PVR: variants seen among roughly 807,000 people sequenced by gnomAD.
PVR encodes the protein poliovirus receptor.
A neutral mutation model predicts 43.3 loss-of-function variants in PVR; 39 were observed. That is an observed-to-expected ratio of 0.90 (90% CI 0.70 to 1.18). PVR has a LOEUF of 1.18. Among genes scored for constraint, PVR ranks in the 50% most tolerant of loss-of-function variants. PVR has a pLI of 0.00. For missense variants in PVR, 480 were observed against 549.7 expected, an observed-to-expected ratio of 0.87 and a Z score of 1.27; for synonymous variants, 224 against 233.2, an observed-to-expected ratio of 0.96 and a Z score of 0.36.
At chr19:44,650,904 T>G (rs542441470) in intron 3 of PVR, among the ~76,000 whole-genome samples, 4 of 152,184 alleles carry the variant, frequency 2.6e-5, no homozygotes, top group Admixed American at 1.3e-4. Flanking sequence ...AGGGTCTCGC[T>G]CTGTCACCCA....
chr19:44,650,466 G>T (rs1292923437), intron 3 of PVR, among the ~76,000 whole-genome samples: 2 of 151,372 alleles, frequency 1.3e-5, no homozygotes, highest in African/African-American at 4.9e-5. Context: ...TATCCACAAT[G>T]ACCCTCCCCA....
chr19:44,660,721 G>A (rs146936825), intron 6 of PVR, among the ~76,000 whole-genome samples: 52 of 151,814 alleles, frequency 3.4e-4, no homozygotes, highest in Admixed American at 1.8e-3. Flanking sequence ...ATGGAGTTTC[G>A]TTGTGTTGCC....
intron 6 of PVR, 51 bp from the exon 7 acceptor site, chr19:44,661,241 A>G: frequency 6.4e-7 from 1 of 1,567,146 alleles, no homozygotes; most frequent in Non-Finnish European, 8.8e-7. Flanking sequence ...TCTTCTTCCC[A>G]TGCTTCCCAG....
chr19:44,653,829 C>G, intron 3 of PVR, 71 bp from the exon 4 acceptor site: 3 of 1,048,742 alleles, frequency 2.9e-6, no homozygotes, highest in Non-Finnish European at 4.5e-6. Context: ...CCTGCAGTGT[C>G]GTGAATCCCG....
chr19:44,658,725 G>C lies in PVR; in HGVS notation c.992-17G>C. The C allele has an allele frequency of 6.3e-7, 1 of 1,586,894 alleles. No individual in the cohort carries two copies. The highest frequency in any genetic ancestry group is 8.6e-7 in the Non-Finnish European group (1 of 1,160,848). On this transcript the variant is annotated splice_polypyrimidine_tract_variant and intron_variant, in intron 5 of 7. Coordinates refer to ENST00000425690, the MANE Select transcript of PVR (RefSeq NM_006505.5). ...CAAGAGTTTCCTTACCTAAATACCT[G>C]TTTCCTTCTCTTTCAGAGGGACCTC...
At chr19:44,653,821 TGCAGTGTC>T (rs1843707850) in intron 3 of PVR, 71 bp from the exon 4 acceptor site, 1 of 958,794 alleles carries the variant, frequency 1.0e-6, no homozygotes, top group African/African-American at 1.6e-5. Flanking sequence ...GGCCTTTTCC[TGCAGTGTC>T]GTGAATCCCG....
intron 2 of PVR, 77 bp from the exon 3 acceptor site, chr19:44,649,732 C>T: frequency 6.7e-7 from 1 of 1,500,944 alleles, no homozygotes; most frequent in Admixed American, 1.8e-5. Flanking sequence ...CCATGCCATC[C>T]TGTACCCTTA....
At chr19:44,644,233 G>GCCGGGT in intron 1 of PVR, 58 bp downstream of exon 1, 2 of 1,356,380 alleles carry the variant, frequency 1.5e-6, no homozygotes, top group Non-Finnish European at 1.9e-6. Flanking sequence ...CCGCATCCAG[G>GCCGGGT]CCGGGTACTC....
Position 44,661,792 on chromosome 19 carries a change from A to T in PVR, c.1235A>T (p.Gln412Leu), listed in dbSNP as rs767227365. The T allele has an allele frequency of 6.2e-7, 1 of 1,614,022 alleles. No homozygotes were observed. Among genetic ancestry groups the T allele is most frequent in the Non-Finnish European group, 8.5e-7 (1 of 1,179,976 alleles). The part of the protein sequence containing the change: ...SRENSSSQDP[Q>L]TEGTR ...GAGAACAGCTCTTCCCAGGATCCAC[A>T]GACAGAGGGCACAAGGTGACAGCGT... Residue 412 changes from glutamine to leucine, a missense_variant, in exon 8 of 8, where the codon CAG becomes CTG. Coordinates refer to ENST00000425690, the MANE Select transcript of PVR (RefSeq NM_006505.5).
rs1480791644 is a variant in PVR, at chr19:44,644,091, A to T, written c.-6A>T. 4 of 1,510,538 alleles carry T rather than the reference A, an allele frequency of 2.6e-6. No individual in the cohort carries two copies. The highest frequency in any genetic ancestry group is 3.5e-6 in the Non-Finnish European group (4 of 1,135,720). 93.6% of individuals were successfully genotyped at this position (1,510,538 alleles called of 1,614,324 possible). A position where few individuals can be genotyped will look rare whatever the true frequency, so the allele number is the denominator to read the frequency against. ...GCGGGAGGCCCAGCTGCTCGGAGCA[A>T]CTGGCATGGCCCGAGCCATGGCCGC... On this transcript the variant is annotated 5_prime_UTR_variant, in exon 1 of 8. Transcript: ENST00000425690.
At chr19:44,646,530 C>T (rs1233048731) in intron 1 of PVR, among the ~76,000 whole-genome samples, 2 of 152,150 alleles carry the variant, frequency 1.3e-5, no homozygotes, top group African/African-American at 2.4e-5. Context: ...TTTGGGAGGC[C>T]GTAGTGGGAG....
At chr19:44,661,551 C>T (rs753133799) in intron 7 of PVR, among the ~76,000 whole-genome samples, 189 bp from the exon 8 acceptor site, 1 of 152,074 alleles carries the variant, frequency 6.6e-6, no homozygotes, top group Non-Finnish European at 1.5e-5. Flanking sequence ...ATTTTAATAT[C>T]CGCTCTCTCC....
Position 44,647,254 on chromosome 19 carries a change from G to C in PVR, c.111G>C (p.Val37=). 1 of 1,552,534 alleles carries C rather than the reference G, an allele frequency of 6.4e-7. No homozygotes were observed. Among genetic ancestry groups the C allele is most frequent in the South Asian group, 1.2e-5 (1 of 84,416 alleles). ...GDVVVQAPTQ[V]PGFLGDSVTL... ...TCGTCGTGCAGGCGCCCACCCAGGT[G>C]CCCGGCTTCTTGGGCGACTCCGTGA... is the stretch of plus-strand genomic sequence containing the variant. The change falls in exon 2 of 8, where the codon GTG becomes GTC. Residue 37 remains valine (V), a synonymous_variant. Transcript: ENST00000425690.
intron 6 of PVR, among the ~76,000 whole-genome samples, chr19:44,659,678 C>T (rs181025374): frequency 2.6e-5 from 4 of 152,080 alleles, no homozygotes; most frequent in South Asian, 2.1e-4. Flanking sequence ...GACAGCGTTT[C>T]GCCATGTTGG....
rs755309367 is a variant in PVR at position 44,649,954 on chromosome 19, G to C, written c.573G>C (p.Gln191His). 7 of 1,609,136 alleles carry C rather than the reference G, an allele frequency of 4.4e-6. No homozygotes were observed. In the African/African-American group the frequency reaches 9.4e-5, roughly 21 times the overall value. ...TGGGCGGGATGCCCAATACGAGCCA[G>C]GTGCCAGGGTTCCTGTCTGGCACAG... ...SDLGGMPNTS[Q>H]VPGFLSGTVT... The change falls in exon 3 of 8, where the codon CAG becomes CAC. Residue 191 changes from glutamine to histidine, a missense_variant. By Grantham distance (24) the Gln-to-His change is conservative. Transcript: ENST00000425690.
At chr19:44,657,951 A>G (rs760745370) in intron 5 of PVR, 41 bp downstream of exon 5, 8 of 1,603,198 alleles carry the variant, frequency 5.0e-6, no homozygotes, top group Non-Finnish European at 6.8e-6. Context: ...GACCAAAGGA[A>G]GAGGTCGAGG....
chr19:44,649,094 C>G (rs1012305035), intron 2 of PVR, among the ~76,000 whole-genome samples: 5 of 152,138 alleles, frequency 3.3e-5, no homozygotes, highest in Non-Finnish European at 5.9e-5. Context: ...AGCCCCAGAC[C>G]AGGATAACCC....
Position 44,652,957 on chromosome 19 carries a change from T to A in PVR, c.725-943T>A, listed in dbSNP as rs372177213. 9.8e-5 allele frequency among the ~76,000 whole-genome samples: 15 copies of A among 152,330 alleles called. No homozygotes were observed. The South Asian group carries it at 2.7e-3, about 27-fold the overall frequency. On this transcript the variant is annotated intron_variant, in intron 3 of 7. Coordinates refer to ENST00000425690, the MANE Select transcript of PVR (RefSeq NM_006505.5). ...AAAGCCTTTGAAATCTGGTGTGTAT[T>A]TCGGCCTGGCTATATTTCGAGTGCT...
In PVR at chr19:44,661,269, G is replaced by A. The variant is rs778945486; in HGVS notation, c.1151-23G>A. ...CTTCCCAGCATTATTCCTTCCTGACGACTTCCCCTCCTATTTCCCCAGGTA... is the reference window on the plus strand; with the variant it reads ...CTTCCCAGCATTATTCCTTCCTGACAACTTCCCCTCCTATTTCCCCAGGTA... On this transcript the variant is annotated intron_variant, in intron 6 of 7. Coordinates refer to ENST00000425690, the MANE Select transcript of PVR (RefSeq NM_006505.5). 61 of 1,609,796 alleles carry A rather than the reference G, an allele frequency of 3.8e-5. 1 individual carries two copies. The highest frequency in any genetic ancestry group is 2.9e-4 in the South Asian group (26 of 90,992).
Sources: gnomAD v4.1 joint callset for allele counts (sites outside exome capture counted in the v4.1 genomes callset) on GRCh38, gnomAD v4.1.1 for gene constraint, MANE v1.5 for transcripts, NCBI Gene and HGNC (gene_info 2026-07-23, HGNC 2026-07-21) for gene names.